EPB41L5: variants seen among roughly 807,000 people sequenced by gnomAD.
EPB41L5 encodes the protein band 4.1-like protein 5.
Under a neutral mutation model 106.6 loss-of-function variants are expected in EPB41L5, and 55 were observed. The ratio of observed to expected loss-of-function variants is 0.52; its 90% CI spans 0.42 to 0.65. The LOEUF is 0.65. EPB41L5 is among the 30% of genes least tolerant of loss of function. The probability of loss-of-function intolerance (pLI) is 0.00; values close to 1 mark genes in which losing one functional copy is unlikely to be tolerated. For missense variants in EPB41L5, 871 were observed against 882.1 expected, an observed-to-expected ratio of 0.99 and a Z score of 0.16; for synonymous variants, 297 against 306.7, an observed-to-expected ratio of 0.97 and a Z score of 0.33.
At chr2:120,116,526 G>A (rs1048511283) in intron 16 of EPB41L5, among the ~76,000 whole-genome samples, 7 of 151,780 alleles carry the variant, frequency 4.6e-5, no homozygotes, top group African/African-American at 1.7e-4. Context: ...ATGATGAATG[G>A]CGTTTTGTTT....
At chr2:120,056,116 T>C (rs951871813) in intron 3 of EPB41L5, among the ~76,000 whole-genome samples, 3 of 152,168 alleles carry the variant, frequency 2.0e-5, no homozygotes, top group African/African-American at 7.2e-5. Flanking sequence ...TTTCTATTCC[T>C]AGTTCGTTGA....
intron 24 of EPB41L5, among the ~76,000 whole-genome samples, chr2:120,170,919 AT>A (rs1687646230): frequency 1.3e-5 from 2 of 152,350 alleles, no homozygotes; most frequent in South Asian, 4.1e-4. Flanking sequence ...CATATTCTAC[AT>A]GCTGATTACA....
chr2:120,145,125 C>A (rs752395463), intron 19 of EPB41L5, among the ~76,000 whole-genome samples: 1 of 152,182 alleles, frequency 6.6e-6, no homozygotes, highest in African/African-American at 2.4e-5. Context: ...CTGTGGTGCA[C>A]ATACATTGCT....
chr2:120,042,468 CAAT>C (rs1363231664), intron 3 of EPB41L5, among the ~76,000 whole-genome samples: 2 of 152,028 alleles, frequency 1.3e-5, no homozygotes, highest in African/African-American at 4.8e-5. Context: ...CTTGGGTAAA[CAAT>C]AGTAGTTTTT....
intron 16 of EPB41L5, among the ~76,000 whole-genome samples, chr2:120,126,805 C>CA (rs1213823239): frequency 2.6e-5 from 4 of 151,984 alleles, no homozygotes; most frequent in South Asian, 2.1e-4. Context: ...GTCAATTCTA[C>CA]AAAAAAAATC....
At chr2:120,015,263 C>T (rs904594150) in intron 1 of EPB41L5, among the ~76,000 whole-genome samples, 5 of 151,282 alleles carry the variant, frequency 3.3e-5, no homozygotes, top group African/African-American at 1.2e-4. Flanking sequence ...GGAGGCAGAT[C>T]TTGCAGTGAG....
rs942534793 is a variant in EPB41L5 at position 120,013,090 on chromosome 2, T to A, written c.-129T>A. 7 of 152,178 alleles carry A rather than the reference T, an allele frequency of 4.6e-5. No homozygotes were observed. The highest frequency in any genetic ancestry group is 4.6e-4 in the Admixed American group (7 of 15,288). 9.4% of individuals were successfully genotyped at this position (152,178 alleles called of 1,614,324 possible). A position where few individuals can be genotyped will look rare whatever the true frequency, so the allele number is the denominator to read the frequency against. ...CGGGAGGTCGGGGTCCTCCGGGGAT[T>A]AGAGCCGGTGGGCTCGTTGTGGGCG... is the stretch of plus-strand genomic sequence containing the variant. On this transcript the variant is annotated 5_prime_UTR_variant, in exon 1 of 25. Coordinates refer to ENST00000263713, the MANE Select transcript of EPB41L5 (RefSeq NM_020909.4).
At chr2:120,095,696 T>A (rs1683707991) in intron 14 of EPB41L5, among the ~76,000 whole-genome samples, 1 of 151,994 alleles carries the variant, frequency 6.6e-6, no homozygotes, top group Non-Finnish European at 1.5e-5. Flanking sequence ...TGAGACGGAG[T>A]CTTGCTCTAT....
chr2:120,020,917 A>G (rs1418909722), intron 2 of EPB41L5, among the ~76,000 whole-genome samples: 6 of 152,212 alleles, frequency 3.9e-5, no homozygotes, highest in Non-Finnish European at 7.3e-5. Context: ...CTGATCTGGA[A>G]TGGTTTCCTA....
At chr2:120,132,476 C>T (rs958169152) in intron 18 of EPB41L5, among the ~76,000 whole-genome samples, 2 of 152,186 alleles carry the variant, frequency 1.3e-5, no homozygotes, top group Non-Finnish European at 2.9e-5. Flanking sequence ...GGATAACTAA[C>T]TGGAATTCCT....
chr2:120,102,683 A>G (rs898410461), intron 16 of EPB41L5, among the ~76,000 whole-genome samples: 7 of 152,008 alleles, frequency 4.6e-5, no homozygotes, highest in African/African-American at 1.2e-4. Flanking sequence ...CTTTCAACCA[A>G]TTTAATCTAC....
At chr2:120,073,052 T>G in intron 3 of EPB41L5, 126 bp from the exon 4 acceptor site, 1 of 776,348 alleles carries the variant, frequency 1.3e-6, no homozygotes, top group Non-Finnish European at 2.1e-6. Context: ...TCACTTGGGT[T>G]TTTCTCTTGT....
chr2:120,030,069 T>G (rs1678599913), intron 2 of EPB41L5, among the ~76,000 whole-genome samples: 1 of 152,200 alleles, frequency 6.6e-6, no homozygotes, highest in South Asian at 2.1e-4. Flanking sequence ...CCTAATTAAG[T>G]CCATCTTGCT....
Position 120,178,791 on chromosome 2 carries a change from G to A in EPB41L5, c.*3884G>A, listed in dbSNP as rs1558926401. The A allele has an allele frequency of 1.3e-5, 2 of 152,178 alleles. No individual in the cohort carries two copies. The highest frequency in any genetic ancestry group is 1.9e-4 in the East Asian group (1 of 5,198). The allele number at this position is 152,178 out of a possible 1,614,324, so 9.4% of individuals were successfully genotyped here. A position where few individuals can be genotyped will look rare whatever the true frequency, so the allele number is the denominator to read the frequency against. ...AAGTCCCTATGTCACCACATTGCTT[G>A]AGATGATCATTCAGTTACTTGTCAG... is the stretch of plus-strand genomic sequence containing the variant. On this transcript the variant is annotated 3_prime_UTR_variant, in exon 25 of 25. Transcript: ENST00000263713.
intron 16 of EPB41L5, among the ~76,000 whole-genome samples, chr2:120,115,936 A>C (rs1165996098): frequency 2.0e-5 from 3 of 151,986 alleles, no homozygotes; most frequent in African/African-American, 7.2e-5. Context: ...CATCCTCCTA[A>C]GTAGCTGGGA....
intron 16 of EPB41L5, among the ~76,000 whole-genome samples, chr2:120,115,004 G>A (rs1251834589): frequency 2.0e-5 from 3 of 152,060 alleles, no homozygotes; most frequent in African/African-American, 7.2e-5. Context: ...TTTTGTCATT[G>A]TAAAATGTCC....
At chr2:120,037,672 G>C (rs1679129813) in intron 2 of EPB41L5, among the ~76,000 whole-genome samples, 1 of 152,018 alleles carries the variant, frequency 6.6e-6, no homozygotes, top group Non-Finnish European at 1.5e-5. Context: ...AAAAAAAGCA[G>C]TGTGTTACTG....
chr2:120,143,554 G>C (rs533942101), intron 19 of EPB41L5, among the ~76,000 whole-genome samples: 18 of 152,188 alleles, frequency 1.2e-4, no homozygotes, highest in African/African-American at 4.1e-4. Flanking sequence ...TGAGAGATGC[G>C]GCAGCCTTGT....
At chr2:120,118,716 G>A (rs1280211201) in intron 16 of EPB41L5, among the ~76,000 whole-genome samples, 1 of 152,214 alleles carries the variant, frequency 6.6e-6, no homozygotes, top group African/African-American at 2.4e-5. Context: ...TGGTGTAAAT[G>A]TGCAACATTT....
Sources: allele counts gnomAD v4.1 joint callset (sites outside exome capture counted in the v4.1 genomes callset), GRCh38; gene constraint gnomAD v4.1.1; transcripts MANE v1.5; gene names NCBI Gene and HGNC (gene_info 2026-07-23, HGNC 2026-07-21).